The following ZNF646 variants were observed in gnomAD, a reference collection of about 807,000 sequenced individuals.
The protein encoded by ZNF646 is zinc finger protein 646.
ZNF646 carries 49 observed loss-of-function variants against 115.4 expected under a neutral mutation model. The observed-to-expected ratio is 0.42, with a 90% CI of 0.34 to 0.54. ZNF646 has a LOEUF of 0.54. ZNF646 is among the 20% of genes least tolerant of loss of function. The pLI is 0.04. For synonymous variants in ZNF646, 933 were observed against 939.0 expected (o/e 0.99, Z 0.12); for missense variants, 2,269 against 2,457.9 (o/e 0.92, Z 1.62).
At position 31,083,188 on chromosome 16, in the gene ZNF646, A is replaced by AT; in HGVS notation, c.*97dup. On this transcript the variant is annotated 3_prime_UTR_variant, in exon 3 of 3. Coordinates refer to ENST00000300850, the MANE Select transcript of ZNF646 (RefSeq NM_014699.4). ...TCTCAGGAGTAGTTCGGGCATCCCC[A>AT]TATCTTCTCCTCTCCCCTTGTGAAG... 1 of 1,495,224 alleles carries AT rather than the reference A, an allele frequency of 6.7e-7. No homozygotes were observed. The highest frequency in any genetic ancestry group is 8.9e-7 in the Non-Finnish European group (1 of 1,119,940). The allele number at this position is 1,495,224 out of a possible 1,614,324, so 92.6% of individuals were successfully genotyped here.
In ZNF646 at chr16:31,081,474, T is replaced by C. The variant is rs1364973303; in HGVS notation, c.5150T>C (p.Leu1717Pro). 6.8e-6 allele frequency: 11 copies of C among 1,614,208 alleles called. No homozygotes were observed. Among genetic ancestry groups the C allele is most frequent in the Non-Finnish European group, 8.5e-6 (10 of 1,180,034 alleles). Residue 1717 changes from leucine to proline, a missense_variant, in exon 2 of 3, where the codon CTG becomes CCG. By Grantham distance (98) the Leu-to-Pro change is moderately conservative. Coordinates refer to ENST00000300850, the MANE Select transcript of ZNF646 (RefSeq NM_014699.4). Reference sequence around the variant, plus strand: ...TGTCCCAAACTTCTCCCTAACCTGCTGTCTCTTAAGAACCACAGCAGGACC... The same window carrying C: ...TGTCCCAAACTTCTCCCTAACCTGCCGTCTCTTAAGAACCACAGCAGGACC... The part of the protein sequence containing the change: ...SLCPKLLPNL[L>P]SLKNHSRTHT...
rs143516044 is a variant in ZNF646, at chr16:31,080,247, A to G, written c.3923A>G (p.Tyr1308Cys). Residue 1308 changes from tyrosine (Y) to cysteine (C), a missense_variant, in exon 2 of 3, where the codon TAT (tyrosine) becomes TGT (cysteine). Tyr to Cys is a radical substitution (Grantham distance 194). Coordinates refer to ENST00000300850, the MANE Select transcript of ZNF646 (RefSeq NM_014699.4). ...PFRCGQCGRT[Y>C]RHAGSLLNHR... is the part of the protein sequence containing the mutation. ...CGCTGTGGGCAGTGCGGGCGGACCT[A>G]TCGCCACGCCGGCAGCCTCCTGAAC... 10 of 1,612,142 alleles carry G rather than the reference A, an allele frequency of 6.2e-6. No individual in the cohort carries two copies. Among genetic ancestry groups the G allele is most frequent in the Admixed American group, 5.0e-5 (3 of 59,942 alleles).
rs752919564 is a variant in ZNF646 at position 31,076,661 on chromosome 16, G to C, written c.337G>C (p.Ala113Pro). ...RRHRPPRPKEATPHLQGETVS... is the reference protein window; with the variant it reads ...RRHRPPRPKEPTPHLQGETVS... The stretch of plus-strand genomic sequence containing the variant: ...GCACAGGCCCCCACGCCCCAAGGAA[G>C]CCACTCCACACCTCCAGGGTGAGAC... The change falls in exon 2 of 3, where the codon GCC becomes CCC. Residue 113 changes from alanine to proline, a missense_variant. Ala to Pro is a conservative substitution (Grantham distance 27). Around this residue, in one of 5 missense-constraint regions of ZNF646, gnomAD observed 334 missense variants for 323.5 expected, o/e 1.03. Coordinates refer to ENST00000300850, the MANE Select transcript of ZNF646 (RefSeq NM_014699.4). 6.2e-7 allele frequency: 1 copy of C among 1,613,102 alleles called. No homozygotes were observed. Among genetic ancestry groups the C allele is most frequent in the Non-Finnish European group, 8.5e-7 (1 of 1,179,698 alleles).
chr16:31,083,489 C>T lies in ZNF646; in HGVS notation c.*397C>T, dbSNP rs1473595856. The T allele has an allele frequency of 7.5e-7, 1 of 1,326,650 alleles. No individual in the cohort carries two copies. The highest frequency in any genetic ancestry group is 1.5e-5 in the African/African-American group (1 of 65,680). 82.2% of individuals were successfully genotyped at this position (1,326,650 alleles called of 1,614,324 possible). A position where few individuals can be genotyped will look rare whatever the true frequency, so the allele number is the denominator to read the frequency against. On this transcript the variant is annotated 3_prime_UTR_variant, in exon 3 of 3. Transcript: ENST00000300850. ...TAAAAAAAGGAAAACTGCTGCCCCCCAAAAAAAGAAATTTTCAAAACAACG... is the reference window on the plus strand; with the variant it reads ...TAAAAAAAGGAAAACTGCTGCCCCCTAAAAAAAGAAATTTTCAAAACAACG...
In ZNF646 at chr16:31,080,417, C is replaced by T. The variant is rs762954141; in HGVS notation, c.4093C>T (p.Arg1365Cys). ...RAGRSRRTAV[R>C]CALCGRSFPG... is the part of the protein sequence containing the mutation. Reference sequence around the variant, plus strand: ...TGGACGGTCCAGGCGCACAGCTGTGCGTTGCGCCCTCTGTGGCCGCAGCTT... The same window carrying T: ...TGGACGGTCCAGGCGCACAGCTGTGTGTTGCGCCCTCTGTGGCCGCAGCTT... The change falls in exon 2 of 3, where the codon CGT becomes TGT. Residue 1365 changes from arginine to cysteine, a missense_variant. Around this residue, in one of 5 missense-constraint regions of ZNF646, gnomAD observed 1,062 missense variants for 1,172.8 expected, o/e 0.91. Transcript: ENST00000300850. The T allele has an allele frequency of 8.1e-6, 13 of 1,613,060 alleles. No individual in the cohort carries two copies. Among genetic ancestry groups the T allele is most frequent in the South Asian group, 2.2e-5 (2 of 91,078 alleles).
rs1803696861 is a variant in ZNF646 at position 31,076,451 on chromosome 16, A to G, written c.127A>G (p.Ser43Gly). The change falls in exon 2 of 3, where the codon AGC (serine) becomes GGC (glycine). Residue 43 changes from serine to glycine, a missense_variant. This residue lies in a region of ZNF646 where 334 missense variants were observed against 323.5 expected (regional missense o/e 1.03). Coordinates refer to ENST00000300850, the MANE Select transcript of ZNF646 (RefSeq NM_014699.4). ...SPNQDSEEAD[S>G]IPRPYRCQQC... ...CAACCAGGACAGTGAGGAGGCTGACAGCATCCCTCGGCCCTACCGTTGTCA... is the reference window on the plus strand; with the variant it reads ...CAACCAGGACAGTGAGGAGGCTGACGGCATCCCTCGGCCCTACCGTTGTCA... 6.2e-7 allele frequency: 1 copy of G among 1,613,856 alleles called. No homozygotes were observed. Among genetic ancestry groups the G allele is most frequent in the Admixed American group, 1.7e-5 (1 of 59,990 alleles).
Position 31,076,625 on chromosome 16 carries a change from G to A in ZNF646, c.301G>A (p.Gly101Ser). 1.2e-6 allele frequency: 2 copies of A among 1,612,902 alleles called. No individual in the cohort carries two copies. Reference protein sequence around the residue: ...KSHMRTHAPEGRRRHRPPRPK... With the variant: ...KSHMRTHAPESRRRHRPPRPK... ...CCATATGAGGACACATGCTCCTGAG[G>A]GCCGCCGCAGGCACAGGCCCCCACG... Residue 101 changes from glycine (G) to serine (S), a missense_variant, in exon 2 of 3, where the codon GGC becomes AGC. Physicochemically the swap from Gly to Ser is moderately conservative, Grantham distance 56. Coordinates refer to ENST00000300850, the MANE Select transcript of ZNF646 (RefSeq NM_014699.4).
Position 31,077,566 on chromosome 16 carries a change from T to TCATG in ZNF646, c.1242_1243insCATG (p.Ala415HisfsTer34). The TCATG allele has an allele frequency of 6.2e-7, 1 of 1,613,354 alleles. No individual in the cohort carries two copies. The stretch of plus-strand genomic sequence containing the variant: ...GTTCTAAGCAGCTGTTCAATGCGGC[T>TCATG]GCCCTCAAAAACCATGTGCGGGCTC... On this transcript the variant is annotated frameshift_variant, in exon 2 of 3. Coordinates refer to ENST00000300850, the MANE Select transcript of ZNF646 (RefSeq NM_014699.4). LOFTEE classifies it high-confidence loss of function.
At position 31,083,098 on chromosome 16, in the gene ZNF646, A is replaced by T. The variant is rs377285471; in HGVS notation, c.*6A>T. 6.2e-7 allele frequency: 1 copy of T among 1,601,240 alleles called. No individual in the cohort carries two copies. On this transcript the variant is annotated 3_prime_UTR_variant, in exon 3 of 3. Transcript: ENST00000300850. ...ACCTCAGCTTCTCCCTCTGAACTTC[A>T]AGTCTCCAAAGATCAGAATCTGGGG...
At position 31,081,379 on chromosome 16, in the gene ZNF646, C is replaced by G. The variant is rs2057156102; in HGVS notation, c.5055C>G (p.Ser1685=). 1 of 1,612,270 alleles carries G rather than the reference C, an allele frequency of 6.2e-7. No individual in the cohort carries two copies. The highest frequency in any genetic ancestry group is 8.5e-7 in the Non-Finnish European group (1 of 1,178,540). Residue 1685 remains serine, a synonymous_variant, in exon 2 of 3, where the codon TCC becomes TCG. Transcript: ENST00000300850. ...TCCGCTGCACCCAGTGCGGGCGCTC[C>G]TACCGCCATGCTGGCAGCCTGCTGA... ...RPFRCTQCGR[S]YRHAGSLLNH... is the part of the protein sequence containing the mutation.
In ZNF646 at chr16:31,077,528, C is replaced by A. The variant is rs1212935239; in HGVS notation, c.1204C>A (p.Pro402Thr). 2 of 1,613,470 alleles carry A rather than the reference C, an allele frequency of 1.2e-6. No individual in the cohort carries two copies. Among genetic ancestry groups the A allele is most frequent in the Non-Finnish European group, 1.7e-6 (2 of 1,179,824 alleles). Reference sequence around the variant, plus strand: ...AAAGAGCCACCAGACAGGTGTCTACCCCTGCTCACTCTGTTCTAAGCAGCT... The same window carrying A: ...AAAGAGCCACCAGACAGGTGTCTACACCTGCTCACTCTGTTCTAAGCAGCT... ...HRKSHQTGVY[P>T]CSLCSKQLFN... The change falls in exon 2 of 3, where the codon CCC (proline) becomes ACC (threonine). Residue 402 changes from proline (P) to threonine (T), a missense_variant. By Grantham distance (38) the Pro-to-Thr change is conservative. Around this residue, in one of 5 missense-constraint regions of ZNF646, gnomAD observed 852 missense variants for 900.2 expected, o/e 0.95. Coordinates refer to ENST00000300850, the MANE Select transcript of ZNF646 (RefSeq NM_014699.4).
rs1156272040 is a variant in ZNF646 at position 31,077,303 on chromosome 16, G to A, written c.979G>A (p.Glu327Lys). The A allele has an allele frequency of 6.2e-6, 10 of 1,613,768 alleles. No homozygotes were observed. The highest frequency in any genetic ancestry group is 3.3e-5 in the Admixed American group (2 of 59,980). ...TGAAAGGCAGGAGCCACGCTGGGAG[G>A]AGAAAGGGATGCCCACCACCAATGG... The part of the protein sequence containing the change: ...EGERQEPRWE[E>K]KGMPTTNGHT... Residue 327 changes from glutamate to lysine, a missense_variant, in exon 2 of 3, where the codon GAG becomes AAG. By Grantham distance (56) the Glu-to-Lys change is moderately conservative. Around this residue, in one of 5 missense-constraint regions of ZNF646, gnomAD observed 852 missense variants for 900.2 expected, o/e 0.95. Coordinates refer to ENST00000300850, the MANE Select transcript of ZNF646 (RefSeq NM_014699.4).
rs151333748 is a variant in ZNF646 at position 31,078,318 on chromosome 16, G to T, written c.1994G>T (p.Arg665Leu). Residue 665 changes from arginine (R) to leucine (L), a missense_variant, in exon 2 of 3, where the codon CGG becomes CTG. By Grantham distance (102) the Arg-to-Leu change is moderately radical (BLOSUM62 -2). Coordinates refer to ENST00000300850, the MANE Select transcript of ZNF646 (RefSeq NM_014699.4). Reference sequence around the variant, plus strand: ...GCTGCCATGAAGAACCACTTGCGCCGGCACAGTCGGCGGCGGAGCAGGCGG... The same window carrying T: ...GCTGCCATGAAGAACCACTTGCGCCTGCACAGTCGGCGGCGGAGCAGGCGG... Reference protein sequence around the residue: ...TMAAMKNHLRRHSRRRSRRHR... With the variant: ...TMAAMKNHLRLHSRRRSRRHR... 3.7e-6 allele frequency: 6 copies of T among 1,613,610 alleles called. No individual in the cohort carries two copies. The highest frequency in any genetic ancestry group is 5.1e-6 in the Non-Finnish European group (6 of 1,179,906).
chr16:31,081,779 G>A (rs2057163780), intron 2 of ZNF646, 78 bp downstream of exon 2: 10 of 1,469,290 alleles, frequency 6.8e-6, no homozygotes, highest in Non-Finnish European at 9.0e-6. Flanking sequence ...CGGTGGGGGA[G>A]CAAGGAGTGA....
chr16:31,076,061 T>C, intron 1 of ZNF646, 185 bp from the exon 2 acceptor site: 1 of 434,516 alleles, frequency 2.3e-6, no homozygotes. Flanking sequence ...CTCCTATATT[T>C]GGGAAGCTTG....
chr16:31,080,488 G>A lies in ZNF646; in HGVS notation c.4164G>A (p.Glu1388=). 1 of 1,613,666 alleles carries A rather than the reference G, an allele frequency of 6.2e-7. No individual in the cohort carries two copies. The highest frequency in any genetic ancestry group is 8.5e-7 in the Non-Finnish European group (1 of 1,179,974). The part of the protein sequence containing the change: ...SLERHLREHE[E]TEREPANGQG... ...AGCGGCACCTGCGGGAGCATGAGGA[G>A]ACAGAAAGGGAGCCAGCCAATGGCC... The change falls in exon 2 of 3, where the codon GAG becomes GAA. Residue 1388 remains glutamate, a synonymous_variant. Coordinates refer to ENST00000300850, the MANE Select transcript of ZNF646 (RefSeq NM_014699.4).
Position 31,079,207 on chromosome 16 carries a change from C to T in ZNF646, c.2883C>T (p.Gly961=). The T allele has an allele frequency of 6.2e-7, 1 of 1,613,576 alleles. No homozygotes were observed. The highest frequency in any genetic ancestry group is 8.5e-7 in the Non-Finnish European group (1 of 1,180,036). The part of the protein sequence containing the change: ...LDSAGYGHIC[G]CCGQTYDDLG... ...GTGCAGGGTATGGGCACATCTGTGGCTGCTGTGGTCAGACCTACGATGACC... is the reference window on the plus strand; with the variant it reads ...GTGCAGGGTATGGGCACATCTGTGGTTGCTGTGGTCAGACCTACGATGACC... The change falls in exon 2 of 3, where the codon GGC becomes GGT. Residue 961 remains glycine, a synonymous_variant. Coordinates refer to ENST00000300850, the MANE Select transcript of ZNF646 (RefSeq NM_014699.4). The surrounding 1 kb of genome is among the most constrained non-coding windows in gnomAD (Gnocchi z 5.5).
At position 31,081,229 on chromosome 16, in the gene ZNF646, C is replaced by T. The variant is rs1334488868; in HGVS notation, c.4905C>T (p.Leu1635=). The part of the protein sequence containing the change: ...KAGTGEDQVV[L]PGQGKAQEAP... Reference sequence around the variant, plus strand: ...GGACTGGGGAGGACCAGGTGGTTCTCCCTGGTCAAGGGAAAGCCCAGGAGG... The same window carrying T: ...GGACTGGGGAGGACCAGGTGGTTCTTCCTGGTCAAGGGAAAGCCCAGGAGG... Residue 1635 remains leucine, a synonymous_variant, in exon 2 of 3, where the codon CTC becomes CTT. Transcript: ENST00000300850. 2 of 1,591,774 alleles carry T rather than the reference C, an allele frequency of 1.3e-6. No homozygotes were observed. The highest frequency in any genetic ancestry group is 1.7e-6 in the Non-Finnish European group (2 of 1,167,534).
chr16:31,081,266 AC>A lies in ZNF646; in HGVS notation c.4947del (p.Arg1650GlufsTer16), dbSNP rs774461944. ...GAAAGCCCAGGAGGCCCCATCAGAAACCCCCAGAGGCCCAGGAGAGAGTGTG... is the reference window on the plus strand; with the variant it reads ...GAAAGCCCAGGAGGCCCCATCAGAAACCCCAGAGGCCCAGGAGAGAGTGTG... ...QGKAQEAPSETPRGPGESVER... is the reference protein window; with the variant it reads ...QGKAQEAPSEXPRGPGESVER... On this transcript the variant is annotated frameshift_variant, in exon 2 of 3. Coordinates refer to ENST00000300850, the MANE Select transcript of ZNF646 (RefSeq NM_014699.4). LOFTEE classifies it high-confidence loss of function. 2.0e-5 allele frequency: 32 copies of A among 1,604,092 alleles called. No individual in the cohort carries two copies. Among genetic ancestry groups the A allele is most frequent in the Non-Finnish European group, 2.7e-5 (32 of 1,174,286 alleles).
Sources: allele counts gnomAD v4.1 joint callset, GRCh38; gene constraint gnomAD v4.1.1; regional missense constraint gnomAD v4.1.1; non-coding constraint Gnocchi (gnomAD v3.1); transcripts MANE v1.5; gene names NCBI Gene and HGNC (gene_info 2026-07-23, HGNC 2026-07-21).